MEI1: variants seen among roughly 807,000 people sequenced by gnomAD.
The protein encoded by MEI1 is meiotic double-stranded break formation protein 1, also known as meiosis inhibitor protein 1.
Under a neutral mutation model 146.2 loss-of-function variants are expected in MEI1, and 103 were observed. That is an observed-to-expected ratio of 0.70 (90% CI 0.60 to 0.83). The LOEUF is 0.83. Ranked by LOEUF, MEI1 falls within the 40% of genes least tolerant of loss-of-function variation. MEI1 has a pLI of 0.00. For missense variants in MEI1, 1,529 were observed against 1,533.0 expected (o/e 1.00, Z 0.04); for synonymous variants, 652 against 628.2 (o/e 1.04, Z -0.57).
chr22:41,756,613 A>G (rs1016803293), intron 17 of MEI1, among the ~76,000 whole-genome samples: 2 of 151,834 alleles, frequency 1.3e-5, no homozygotes, highest in African/African-American at 2.4e-5. Flanking sequence ...AGCTAGGACT[A>G]CAGGCACTTG....
chr22:41,722,498 G>T (rs1426637636), intron 6 of MEI1, among the ~76,000 whole-genome samples: 1 of 146,526 alleles, frequency 6.8e-6, no homozygotes, highest in Non-Finnish European at 1.5e-5. Flanking sequence ...TGTAGAGATG[G>T]GGTCCCACTA....
At chr22:41,738,357 G>A (rs943246363) in intron 11 of MEI1, among the ~76,000 whole-genome samples, 2 of 152,200 alleles carry the variant, frequency 1.3e-5, no homozygotes, top group African/African-American at 2.4e-5. Flanking sequence ...GGGAGGCCGA[G>A]GCGGGCGGAT....
chr22:41,727,790 C>T (rs2071499357), intron 7 of MEI1, among the ~76,000 whole-genome samples: 1 of 152,104 alleles, frequency 6.6e-6, no homozygotes, highest in Admixed American at 6.6e-5. Context: ...TCAGTGGAGT[C>T]ACATGGGATG....
intron 2 of MEI1, among the ~76,000 whole-genome samples, chr22:41,704,634 G>T (rs905435406): frequency 6.6e-6 from 1 of 151,538 alleles, no homozygotes. Flanking sequence ...GGCTGGTCTC[G>T]AACTCCCAAC....
At chr22:41,746,484 G>A (rs1011798906) in intron 14 of MEI1, among the ~76,000 whole-genome samples, 1 of 152,174 alleles carries the variant, frequency 6.6e-6, no homozygotes, top group African/African-American at 2.4e-5. Flanking sequence ...GAATGTCTGT[G>A]ATCCAGGTGT....
intron 3 of MEI1, among the ~76,000 whole-genome samples, chr22:41,710,992 T>C (rs2413653): frequency 0.83 from 126,794 of 152,042 alleles, 53,825 homozygotes; most frequent in African/African-American, 0.95. Flanking sequence ...CACTTGATGG[T>C]GAGGGAAACA....
chr22:41,721,719 CTTTTT>C (rs58572782), intron 6 of MEI1, among the ~76,000 whole-genome samples: 2 of 102,210 alleles, frequency 2.0e-5, no homozygotes, highest in Admixed American at 1.2e-4. Context: ...AATGCTACCC[CTTTTT>C]TTTTTTTTTT....
chr22:41,709,685 A>G (rs1711147980), intron 3 of MEI1, among the ~76,000 whole-genome samples: 1 of 152,032 alleles, frequency 6.6e-6, no homozygotes, highest in Non-Finnish European at 1.5e-5. Context: ...GAAGAGCCCC[A>G]GAGAATACCT....
At chr22:41,784,482 A>C in intron 25 of MEI1, 62 bp downstream of exon 25, 1 of 1,601,648 alleles carries the variant, frequency 6.2e-7, no homozygotes, top group East Asian at 2.2e-5. Flanking sequence ...AGATAAGACC[A>C]GCACCCTGAC....
At chr22:41,789,629 AC>A (rs1322177501) in intron 26 of MEI1, among the ~76,000 whole-genome samples, 1 of 152,190 alleles carries the variant, frequency 6.6e-6, no homozygotes. Flanking sequence ...TACCCATTAA[AC>A]AATTCCCCAG....
At chr22:41,752,071 G>GA (rs59389967) in intron 15 of MEI1, among the ~76,000 whole-genome samples, 2,733 of 134,598 alleles carry the variant, frequency 0.02, 70 homozygotes, top group African/African-American at 0.063. Context: ...TCCGTCTCAG[G>GA]AAAAAAAAAA....
Position 41,784,667 on chromosome 22 carries a change from G to C in MEI1, c.3229G>C (p.Ala1077Pro), listed in dbSNP as rs1206012106. 6.2e-7 allele frequency: 1 copy of C among 1,613,690 alleles called. No homozygotes were observed. Among genetic ancestry groups the C allele is most frequent in the Admixed American group, 1.7e-5 (1 of 60,010 alleles). Residue 1077 changes from alanine (A) to proline (P), a missense_variant, in exon 26 of 31, where the codon GCC becomes CCC. Transcript: ENST00000401548. ...ACAAAGCTTTTCCTCTGCCCTGGTA[G>C]CCCTGGTGCCCTCAGGGGCCCAGCC... Reference protein sequence around the residue: ...LRQSFSSALVALVPSGAQPLP... With the variant: ...LRQSFSSALVPLVPSGAQPLP...
Position 41,776,232 on chromosome 22 carries a change from G to A in MEI1, c.2675G>A (p.Arg892His), listed in dbSNP as rs753574306. ...GGCCACTTCCTGCTGATCCTGCAGC[G>A]TCTGCTAGTGGAGCATGGGGCATCC... ...IRGHFLLILQ[R>H]LLVEHGASPS... The change falls in exon 21 of 31, where the codon CGT becomes CAT. Residue 892 changes from arginine (R) to histidine (H), a missense_variant. By Grantham distance (29) the Arg-to-His change is conservative. Coordinates refer to ENST00000401548, the MANE Select transcript of MEI1 (RefSeq NM_152513.4). 4.6e-5 allele frequency: 74 copies of A among 1,613,722 alleles called. No individual in the cohort carries two copies. The East Asian group carries it at 5.1e-4, about 11-fold the overall frequency.
At chr22:41,753,908 G>T (rs375258581) in intron 16 of MEI1, 41 bp from the exon 17 acceptor site, 10 of 1,386,798 alleles carry the variant, frequency 7.2e-6, no homozygotes, top group Non-Finnish European at 1.0e-5. Context: ...AGCCAAAGTA[G>T]CAATGTCATC....
chr22:41,783,516 T>G (rs2075839653), intron 24 of MEI1, among the ~76,000 whole-genome samples: 2 of 152,194 alleles, frequency 1.3e-5, no homozygotes, highest in African/African-American at 4.8e-5. Flanking sequence ...GGTCTTGAAC[T>G]CCTCACCTCA....
chr22:41,793,181 C>T (rs544872295), intron 26 of MEI1, among the ~76,000 whole-genome samples: 3 of 151,036 alleles, frequency 2.0e-5, no homozygotes, highest in East Asian at 3.9e-4. Flanking sequence ...GGATTACAGG[C>T]GCCCACCACC....
chr22:41,762,833 G>GA (rs2074587679), intron 18 of MEI1, among the ~76,000 whole-genome samples: 1 of 152,106 alleles, frequency 6.6e-6, no homozygotes, highest in Non-Finnish European at 1.5e-5. Context: ...TACAAGAAGA[G>GA]AGGGGTGGAG....
chr22:41,716,080 C>T lies in MEI1; in HGVS notation c.463C>T (p.Leu155=). ...MPSMRGSLAT[L]TLLGKLVDAI... ...CTCCATGCGAGGCAGCCTGGCCACC[C>T]TGACCCTTCTTGGCAAGTTGGTGGA... The change falls in exon 5 of 31, where the codon CTG becomes TTG. Residue 155 remains leucine, a synonymous_variant. Coordinates refer to ENST00000401548, the MANE Select transcript of MEI1 (RefSeq NM_152513.4). The T allele has an allele frequency of 6.2e-7, 1 of 1,611,988 alleles. No homozygotes were observed. Among genetic ancestry groups the T allele is most frequent in the Non-Finnish European group, 8.5e-7 (1 of 1,179,116 alleles).
intron 6 of MEI1, among the ~76,000 whole-genome samples, chr22:41,720,753 T>G (rs977380685): frequency 2.2e-5 from 3 of 135,174 alleles, no homozygotes; most frequent in Non-Finnish European, 4.9e-5. Context: ...CCTGCCACCA[T>G]GCCCGGCTAA....
Sources: gnomAD v4.1 joint callset for allele counts (sites outside exome capture counted in the v4.1 genomes callset) on GRCh38, gnomAD v4.1.1 for gene constraint, MANE v1.5 for transcripts, NCBI Gene and HGNC (gene_info 2026-07-23, HGNC 2026-07-21) for gene names.